IL1RAPL2: variants seen among roughly 807,000 people sequenced by gnomAD.
IL1RAPL2 encodes interleukin 1 receptor accessory protein like 2.
IL1RAPL2 carries 3 observed loss-of-function variants against 44.1 expected under a neutral mutation model. The ratio of observed to expected loss-of-function variants is 0.07; its 90% confidence interval spans 0.03 to 0.18. The LOEUF (loss-of-function observed/expected upper bound fraction) is 0.18. Among genes scored for constraint, IL1RAPL2 ranks in the 10% least tolerant of loss-of-function variants. The pLI, the probability that IL1RAPL2 is intolerant of heterozygous loss-of-function variation, is 1.00. For missense variants in IL1RAPL2, 391 were observed against 496.4 expected (o/e 0.79, Z 2.02); for synonymous variants, 181 against 178.8 (o/e 1.01, Z -0.10).
intron 6 of IL1RAPL2, among the ~76,000 whole-genome samples, chrX:105,572,090 A>C (rs762209659): frequency 8.9e-6 from 1 of 111,842 alleles, no homozygotes; most frequent in African/African-American, 3.2e-5. Flanking sequence ...CAGAGTAAAG[A>C]CACTCAGTCT....
At chrX:105,116,230 T>A (rs1228146164) in intron 2 of IL1RAPL2, among the ~76,000 whole-genome samples, 1 of 109,052 alleles carries the variant, frequency 9.2e-6, no homozygotes, top group African/African-American at 3.3e-5. Context: ...GCACCGAGAG[T>A]GAGCAAGGGC....
At chrX:104,766,368 G>GGCCTGCCTGCCT (rs3081246) in intron 2 of IL1RAPL2, among the ~76,000 whole-genome samples, 6 of 60,255 alleles carry the variant, frequency 1.0e-4, no homozygotes, top group East Asian at 7.6e-4. Flanking sequence ...ATTCCTGGCT[G>GGCCTGCCTGCCT]GCCTGCCTGC....
intron 1 of IL1RAPL2, among the ~76,000 whole-genome samples, chrX:104,623,702 G>C (rs756169273): frequency 1.4e-4 from 16 of 111,033 alleles, no homozygotes; most frequent in African/African-American, 4.2e-4. Context: ...CCAGGTTTTG[G>C]GGGAACTATT....
intron 2 of IL1RAPL2, among the ~76,000 whole-genome samples, chrX:105,060,201 CAT>C (rs1208375832): frequency 1.8e-5 from 2 of 111,776 alleles, no homozygotes; most frequent in Non-Finnish European, 3.8e-5. Flanking sequence ...AGAGACAAAT[CAT>C]ATCATTGCCC....
At chrX:104,894,305 T>TA (rs776674815) in intron 2 of IL1RAPL2, among the ~76,000 whole-genome samples, 1 of 111,440 alleles carries the variant, frequency 9.0e-6, no homozygotes, top group Non-Finnish European at 1.9e-5. Context: ...GCATTCTCTG[T>TA]ATTTCCTGAA....
chrX:105,036,552 A>T (rs2031632374), intron 2 of IL1RAPL2, among the ~76,000 whole-genome samples: 1 of 112,075 alleles, frequency 8.9e-6, no homozygotes, highest in Admixed American at 9.5e-5. Context: ...CTAAAATAAA[A>T]TAAAAATTCC....
At chrX:104,975,679 T>C (rs772148326) in intron 2 of IL1RAPL2, among the ~76,000 whole-genome samples, 12 of 112,596 alleles carry the variant, frequency 1.1e-4, no homozygotes, top group African/African-American at 1.6e-4. Context: ...AAGTGTTTTC[T>C]TATTTCCATT....
chrX:104,737,738 A>T (rs1431913692), intron 2 of IL1RAPL2, among the ~76,000 whole-genome samples: 2 of 111,925 alleles, frequency 1.8e-5, no homozygotes, highest in Non-Finnish European at 3.8e-5. Flanking sequence ...GTATTTTATT[A>T]TTCATAGACA....
chrX:104,926,346 A>T (rs1924771930), intron 2 of IL1RAPL2, among the ~76,000 whole-genome samples: 1 of 112,327 alleles, frequency 8.9e-6, no homozygotes, highest in Non-Finnish European at 1.9e-5. Flanking sequence ...CTAAATTTTC[A>T]AAATATATCG....
intron 6 of IL1RAPL2, among the ~76,000 whole-genome samples, chrX:105,586,431 G>A (rs186517912): frequency 9.5e-4 from 107 of 112,126 alleles, no homozygotes; most frequent in African/African-American, 3.3e-3. Flanking sequence ...CATTGTTGAA[G>A]ACAGTATGGG....
At chrX:104,633,189 G>A (rs1223091743) in intron 1 of IL1RAPL2, among the ~76,000 whole-genome samples, 2 of 111,762 alleles carry the variant, frequency 1.8e-5, no homozygotes, top group Non-Finnish European at 3.8e-5. Flanking sequence ...CAGGGATGAA[G>A]TCCACTTGAT....
chrX:105,507,046 C>A (rs1375686994), intron 6 of IL1RAPL2, among the ~76,000 whole-genome samples: 2 of 111,520 alleles, frequency 1.8e-5, no homozygotes, highest in Non-Finnish European at 3.8e-5. Context: ...TTCCAGGGAA[C>A]CTCATGGGTT....
At chrX:105,570,326 A>G (rs886656705) in intron 6 of IL1RAPL2, among the ~76,000 whole-genome samples, 11 of 112,093 alleles carry the variant, frequency 9.8e-5, no homozygotes, top group South Asian at 3.7e-4. Context: ...GTAATATTCC[A>G]TGATGTATAT....
At chrX:105,391,112 A>C (rs1355251647) in intron 5 of IL1RAPL2, among the ~76,000 whole-genome samples, 1 of 111,813 alleles carries the variant, frequency 8.9e-6, no homozygotes, top group Non-Finnish European at 1.9e-5. Flanking sequence ...AAACTAGCTT[A>C]TGATATTTTG....
At chrX:105,392,462 G>A (rs186327749) in intron 5 of IL1RAPL2, among the ~76,000 whole-genome samples, 23 of 111,766 alleles carry the variant, frequency 2.1e-4, no homozygotes, top group African/African-American at 7.1e-4. Flanking sequence ...TCTAGACCAG[G>A]TATAATCACC....
intron 2 of IL1RAPL2, among the ~76,000 whole-genome samples, chrX:104,943,380 A>G (rs1272416140): frequency 8.9e-6 from 1 of 111,977 alleles, no homozygotes; most frequent in Non-Finnish European, 1.9e-5. Flanking sequence ...TGGATGTCTA[A>G]TAGATATCTC....
At chrX:104,633,170 C>T (rs1177177655) in intron 1 of IL1RAPL2, among the ~76,000 whole-genome samples, 1 of 111,749 alleles carries the variant, frequency 8.9e-6, no homozygotes, top group Non-Finnish European at 1.9e-5. Context: ...TTGAACCAGC[C>T]TTGCATCCCA....
intron 2 of IL1RAPL2, among the ~76,000 whole-genome samples, chrX:104,796,011 A>T (rs962427614): frequency 8.9e-6 from 1 of 112,262 alleles, no homozygotes; most frequent in Non-Finnish European, 1.9e-5. Context: ...TGCTAAGCTC[A>T]GCTATAGATC....
intron 2 of IL1RAPL2, among the ~76,000 whole-genome samples, chrX:105,102,584 C>G (rs1390295912): frequency 9.0e-6 from 1 of 111,528 alleles, no homozygotes; most frequent in Non-Finnish European, 1.9e-5. Flanking sequence ...GCATTTGTGG[C>G]TATCTGAACA....
Sources: gnomAD v4.1 joint callset for allele counts (sites outside exome capture counted in the v4.1 genomes callset) on GRCh38, gnomAD v4.1.1 for gene constraint, MANE v1.5 for transcripts, NCBI Gene and HGNC (gene_info 2026-07-23, HGNC 2026-07-21) for gene names.